CAVIN4: variants seen among roughly 807,000 people sequenced by gnomAD.
CAVIN4 encodes the protein caveolae associated protein 4.
In CAVIN4, 10 loss-of-function variants were observed where a neutral mutation model predicts 18.6. The ratio of observed to expected loss-of-function variants is 0.54; its 90% confidence interval spans 0.33 to 0.91. The LOEUF (loss-of-function observed/expected upper bound fraction) is 0.91, where lower values mean the gene tolerates loss of function less well. CAVIN4 is among the 40% of genes least tolerant of loss of function. The pLI is 0.02. For missense variants in CAVIN4, 459 were observed against 440.5 expected (o/e 1.04, Z -0.38); for synonymous variants, 173 against 164.8 (o/e 1.05, Z -0.38).
intron 1 of CAVIN4, chr9:100,581,314 G>A (rs974750247): frequency 1.3e-5 from 2 of 152,460 alleles, no homozygotes; most frequent in African/African-American, 4.8e-5. Flanking sequence ...AGCCCAGCCA[G>A]ATCAGCTGAA....
Position 100,587,145 on chromosome 9 carries a change from A to G in CAVIN4, c.*694A>G, listed in dbSNP as rs1199306640. ...TCTGAAAAAGCCCTCAGCACCAATCAATAAGGTCCTAGGTTGGAGAGAAAC... is the reference window on the plus strand; with the variant it reads ...TCTGAAAAAGCCCTCAGCACCAATCGATAAGGTCCTAGGTTGGAGAGAAAC... On this transcript the variant is annotated 3_prime_UTR_variant, in exon 2 of 2. Coordinates refer to ENST00000307584, the MANE Select transcript of CAVIN4 (RefSeq NM_001018116.2). 1 of 152,216 alleles carries G rather than the reference A, an allele frequency of 6.6e-6. No homozygotes were observed. The highest frequency in any genetic ancestry group is 1.5e-5 in the Non-Finnish European group (1 of 68,036). 9.4% of individuals were successfully genotyped at this position (152,216 alleles called of 1,614,324 possible).
chr9:100,583,040 TG>T (rs915408849), intron 1 of CAVIN4, among the ~76,000 whole-genome samples: 1 of 152,222 alleles, frequency 6.6e-6, no homozygotes, highest in African/African-American at 2.4e-5. Flanking sequence ...AAACACACCT[TG>T]GTGCCAAGGA....
intron 1 of CAVIN4, among the ~76,000 whole-genome samples, chr9:100,583,260 G>A (rs779171884): frequency 2.6e-5 from 4 of 152,132 alleles, no homozygotes; most frequent in African/African-American, 4.8e-5. Flanking sequence ...CCAAGACAGC[G>A]TGTTCAGATC....
At chr9:100,579,312 A>G (rs1293980500) in intron 1 of CAVIN4, among the ~76,000 whole-genome samples, 1 of 152,192 alleles carries the variant, frequency 6.6e-6, no homozygotes, top group Non-Finnish European at 1.5e-5. Context: ...CATAATATCT[A>G]TGGTATATTT....
rs938843603 is a variant in CAVIN4 at position 100,587,598 on chromosome 9, A to G, written c.*1147A>G. The G allele has an allele frequency of 6.6e-6, 1 of 152,220 alleles. No homozygotes were observed. The highest frequency in any genetic ancestry group is 2.4e-5 in the African/African-American group (1 of 41,454). 9.4% of individuals were successfully genotyped at this position (152,220 alleles called of 1,614,324 possible). On this transcript the variant is annotated 3_prime_UTR_variant, in exon 2 of 2. Transcript: ENST00000307584. ...GAACAATGTCTATTGTTGCTAAAGAAAGAAAGAAATGGGCCGGGTGTGGTG... is the reference window on the plus strand; with the variant it reads ...GAACAATGTCTATTGTTGCTAAAGAGAGAAAGAAATGGGCCGGGTGTGGTG...
intron 1 of CAVIN4, among the ~76,000 whole-genome samples, chr9:100,583,884 A>T (rs2118610226): frequency 6.6e-6 from 1 of 152,256 alleles, no homozygotes; most frequent in African/African-American, 2.4e-5. Context: ...ACCTCAGGTG[A>T]TCCCCCTGCC....
intron 1 of CAVIN4, among the ~76,000 whole-genome samples, chr9:100,585,250 A>C (rs1839464450): frequency 6.6e-6 from 1 of 152,210 alleles, no homozygotes. Flanking sequence ...CAGTATTATC[A>C]ACAAAGCTTG....
rs775739263 is a variant in CAVIN4 at position 100,586,109 on chromosome 9, A to T, written c.753A>T (p.Ser251=). The T allele has an allele frequency of 1.2e-6, 2 of 1,601,994 alleles. No individual in the cohort carries two copies. Among genetic ancestry groups the T allele is most frequent in the Admixed American group, 3.4e-5 (2 of 58,038 alleles). ...AGTCAGGGGAGAGGCTGAGACAGTC[A>T]GGGGAGAGGTTTAAGAAATCTATTT... ...LRQSGERLRQ[S]GERFKKSISN... Residue 251 remains serine (S), a synonymous_variant, in exon 2 of 2, where the codon TCA becomes TCT. Transcript: ENST00000307584.
Position 100,585,889 on chromosome 9 carries a change from A to T in CAVIN4, c.533A>T (p.Tyr178Phe). 1.2e-6 allele frequency: 2 copies of T among 1,614,190 alleles called. No homozygotes were observed. Among genetic ancestry groups the T allele is most frequent in the South Asian group, 1.1e-5 (1 of 91,084 alleles). Residue 178 changes from tyrosine to phenylalanine, a missense_variant, in exon 2 of 2, where the codon TAT becomes TTT. By Grantham distance (22) the Tyr-to-Phe change is conservative. Coordinates refer to ENST00000307584, the MANE Select transcript of CAVIN4 (RefSeq NM_001018116.2). ...PVDLSSDEEY[Y>F]VEESRSARLR... ...GATCTGTCTTCGGATGAAGAATATTATGTTGAAGAAAGCAGATCTGCCAGG... is the reference window on the plus strand; with the variant it reads ...GATCTGTCTTCGGATGAAGAATATTTTGTTGAAGAAAGCAGATCTGCCAGG...
At position 100,586,159 on chromosome 9, in the gene CAVIN4, C is replaced by T; in HGVS notation, c.803C>T (p.Ala268Val). 6.4e-7 allele frequency: 1 copy of T among 1,567,062 alleles called. No individual in the cohort carries two copies. The highest frequency in any genetic ancestry group is 8.6e-7 in the Non-Finnish European group (1 of 1,159,686). ...TCTAATGCAGCTCCCTCAAAGGAAG[C>T]TTTTAAGATGCGCAGCCTCAGGAAA... ...SISNAAPSKE[A>V]FKMRSLRKGK... is the part of the protein sequence containing the mutation. The change falls in exon 2 of 2, where the codon GCT becomes GTT. Residue 268 changes from alanine (A) to valine (V), a missense_variant. Physicochemically the swap from Ala to Val is moderately conservative, Grantham distance 64. Coordinates refer to ENST00000307584, the MANE Select transcript of CAVIN4 (RefSeq NM_001018116.2).
intron 1 of CAVIN4, among the ~76,000 whole-genome samples, chr9:100,580,060 G>C (rs10989162): frequency 6.6e-6 from 1 of 150,882 alleles, no homozygotes; most frequent in Admixed American, 6.6e-5. Context: ...CATGTCCCTG[G>C]AAGTCCTTCT....
At position 100,578,357 on chromosome 9, in the gene CAVIN4, C is replaced by A; in HGVS notation, c.214C>A (p.Leu72Met). ...TGCCATAAAATCCGTCCAGATTGAC[C>A]TGTTGAAGCTTTCACAGTCGCATAG... ...ENAIKSVQID[L>M]LKLSQSHSNT... Residue 72 changes from leucine to methionine, a missense_variant, in exon 1 of 2, where the codon CTG becomes ATG. Coordinates refer to ENST00000307584, the MANE Select transcript of CAVIN4 (RefSeq NM_001018116.2). The A allele has an allele frequency of 6.2e-7, 1 of 1,614,056 alleles. No homozygotes were observed. Among genetic ancestry groups the A allele is most frequent in the Non-Finnish European group, 8.5e-7 (1 of 1,179,992 alleles).
intron 1 of CAVIN4, among the ~76,000 whole-genome samples, chr9:100,582,339 TC>T (rs1839438026): frequency 1.4e-4 from 21 of 151,252 alleles, no homozygotes; most frequent in Admixed American, 3.3e-4. Flanking sequence ...GACCTCTTTC[TC>T]TCTCTCTCTC....
chr9:100,579,342 A>G (rs1267471973), intron 1 of CAVIN4, among the ~76,000 whole-genome samples: 1 of 152,202 alleles, frequency 6.6e-6, no homozygotes, highest in Non-Finnish European at 1.5e-5. Context: ...TTACAGTTAA[A>G]AGGAAAAAAA....
rs1839489909 is a variant in CAVIN4, at chr9:100,587,213, A to C, written c.*762A>C. 6.6e-6 allele frequency: 1 copy of C among 152,228 alleles called. No homozygotes were observed. Among genetic ancestry groups the C allele is most frequent in the African/African-American group, 2.4e-5 (1 of 41,468 alleles). The allele number at this position is 152,228 out of a possible 1,614,324, so 9.4% of individuals were successfully genotyped here. ...AGCCTTTTCACAGAATCAAGAGTGA[A>C]AAATAAGTAAATGTTTGGGTGACCA... On this transcript the variant is annotated 3_prime_UTR_variant, in exon 2 of 2. Transcript: ENST00000307584.
In CAVIN4 at chr9:100,585,778, G is replaced by T; in HGVS notation, c.422G>T (p.Cys141Phe). The T allele has an allele frequency of 3.7e-6, 6 of 1,614,064 alleles. No individual in the cohort carries two copies. Among genetic ancestry groups the T allele is most frequent in the Non-Finnish European group, 4.2e-6 (5 of 1,179,996 alleles). The part of the protein sequence containing the change: ...RVVIFQEKFR[C>F]PTSLSVVKDR... ...TCTCTCCTTCAGGAGAAGTTTCGGT[G>T]TCCGACATCCCTGTCTGTTGTTAAA... The change falls in exon 2 of 2, where the codon TGT becomes TTT. Residue 141 changes from cysteine to phenylalanine, a missense_variant. Transcript: ENST00000307584.
intron 1 of CAVIN4, among the ~76,000 whole-genome samples, chr9:100,578,922 TA>T (rs1434876673): frequency 1.3e-5 from 2 of 152,220 alleles, no homozygotes; most frequent in African/African-American, 4.8e-5. Context: ...GCCTCTAGTT[TA>T]AAACACTTCT....
At chr9:100,579,333 T>C (rs1839404628) in intron 1 of CAVIN4, among the ~76,000 whole-genome samples, 1 of 152,192 alleles carries the variant, frequency 6.6e-6, no homozygotes, top group Non-Finnish European at 1.5e-5. Flanking sequence ...TCAAAACTCT[T>C]ACAGTTAAAA....
intron 1 of CAVIN4, among the ~76,000 whole-genome samples, chr9:100,580,628 A>G (rs1246781772): frequency 6.6e-6 from 1 of 152,156 alleles, no homozygotes; most frequent in East Asian, 1.9e-4. Flanking sequence ...TTCTGTATTC[A>G]CCTGTTTAGT....
Sources: allele counts gnomAD v4.1 joint callset (sites outside exome capture counted in the v4.1 genomes callset), GRCh38; gene constraint gnomAD v4.1.1; transcripts MANE v1.5; gene names NCBI Gene and HGNC (gene_info 2026-07-23, HGNC 2026-07-21).